The following KIF5C variants were observed in gnomAD, a reference collection of about 807,000 sequenced individuals.
KIF5C encodes the protein kinesin family member 5C.
A neutral mutation model predicts 125.2 loss-of-function variants in KIF5C; 18 were observed. The ratio of observed to expected loss-of-function variants is 0.14; its 90% CI spans 0.10 to 0.21. The LOEUF (loss-of-function observed/expected upper bound fraction) is 0.21. KIF5C is among the 10% of genes least tolerant of loss of function. The pLI, the probability that KIF5C is intolerant of heterozygous loss-of-function variation, is 1.00. For synonymous variants in KIF5C, 405 were observed against 434.0 expected (o/e 0.93, Z 0.83); for missense variants, 780 against 1,183.8 (o/e 0.66, Z 5.01).
chr2:148,892,252 C>T (rs975458958), intron 1 of KIF5C, among the ~76,000 whole-genome samples: 11 of 152,116 alleles, frequency 7.2e-5, no homozygotes, highest in African/African-American at 1.4e-4. Flanking sequence ...AGAATTTCTC[C>T]GAGGCACTAG....
At chr2:149,013,433 T>C (rs1489156363) in intron 25 of KIF5C, among the ~76,000 whole-genome samples, 1 of 152,212 alleles carries the variant, frequency 6.6e-6, no homozygotes, top group Non-Finnish European at 1.5e-5. Flanking sequence ...TCCCTTTCCC[T>C]GGACAGCACT....
At chr2:148,981,013 T>C (rs1681219355) in intron 13 of KIF5C, among the ~76,000 whole-genome samples, 1 of 152,090 alleles carries the variant, frequency 6.6e-6, no homozygotes, top group Admixed American at 6.6e-5. Flanking sequence ...CCTGGCCCCA[T>C]CCTTTGCTTA....
intron 1 of KIF5C, among the ~76,000 whole-genome samples, chr2:148,898,170 G>C (rs976660607): frequency 1.3e-5 from 2 of 152,016 alleles, no homozygotes; most frequent in Non-Finnish European, 2.9e-5. Context: ...AGTCCACATA[G>C]GAATGGAGAC....
intron 25 of KIF5C, among the ~76,000 whole-genome samples, chr2:149,017,135 G>A (rs376464373): frequency 2.6e-5 from 4 of 152,280 alleles, no homozygotes; most frequent in South Asian, 2.1e-4. Context: ...ATTTGAAGGA[G>A]ATCAGAGAAA....
intron 1 of KIF5C, chr2:148,886,397 G>A (rs990223359): frequency 2.0e-5 from 3 of 152,318 alleles, no homozygotes; most frequent in African/African-American, 7.2e-5. Context: ...CTGGTCTTAA[G>A]ATTTAGAATA....
intron 1 of KIF5C, among the ~76,000 whole-genome samples, chr2:148,918,448 G>T (rs967811807): frequency 3.9e-5 from 6 of 152,170 alleles, no homozygotes; most frequent in African/African-American, 9.7e-5. Flanking sequence ...AACTACTATG[G>T]AGCAAACTAA....
chr2:148,928,122 A>G (rs1558900283), intron 2 of KIF5C, among the ~76,000 whole-genome samples: 2 of 152,248 alleles, frequency 1.3e-5, no homozygotes, highest in Non-Finnish European at 2.9e-5. Context: ...CAGAATTGAT[A>G]TAGAAAAAAA....
In KIF5C at chr2:148,998,387, GC is replaced by G; in HGVS notation, c.2101-11del. 1 of 1,555,772 alleles carries G rather than the reference GC, an allele frequency of 6.4e-7. No individual in the cohort carries two copies. The highest frequency in any genetic ancestry group is 8.7e-7 in the Non-Finnish European group (1 of 1,149,166). On this transcript the variant is annotated splice_polypyrimidine_tract_variant and intron_variant, in intron 18 of 25. Transcript: ENST00000435030. ...ACGAGTAGATGACATGTTTCTCTTG[GC>G]CTGGGATGCAGAAGGCGCTGGAGCA...
chr2:148,987,664 G>T (rs557971071), intron 15 of KIF5C, among the ~76,000 whole-genome samples: 1 of 151,958 alleles, frequency 6.6e-6, no homozygotes, highest in South Asian at 2.1e-4. Context: ...GCCACGAGGG[G>T]GTCTGTTCAG....
intron 3 of KIF5C, among the ~76,000 whole-genome samples, chr2:148,932,724 A>G (rs1574763748): frequency 6.6e-6 from 1 of 152,316 alleles, no homozygotes; most frequent in South Asian, 2.1e-4. Context: ...CTTGGAGGTC[A>G]TCTGAATGGT....
At chr2:148,920,189 C>T (rs906794458) in intron 1 of KIF5C, among the ~76,000 whole-genome samples, 6 of 152,150 alleles carry the variant, frequency 3.9e-5, no homozygotes, top group African/African-American at 1.4e-4. Context: ...CAGGATCAAG[C>T]TGTAAACAAG....
chr2:148,875,587 T>TCCCCCTGCCCCCCCCCCACC lies in KIF5C; in HGVS notation c.-27_-26insCTGCCCCCCCCCCACCCCCC. ...GTTCCCGGCCCCGGCCCCCCACCCA[T>TCCCCCTGCCCCCCCCCCACC]CCCCGTGCCCCCTCCCTACCGCCGG... On this transcript the variant is annotated 5_prime_UTR_variant, in exon 1 of 26. Coordinates refer to ENST00000435030, the MANE Select transcript of KIF5C (RefSeq NM_004522.3). 5.5e-6 allele frequency: 2 copies of TCCCCCTGCCCCCCCCCCACC among 366,936 alleles called. No homozygotes were observed. The highest frequency in any genetic ancestry group is 2.6e-5 in the South Asian group (1 of 37,746). The allele number at this position is 366,936 out of a possible 1,614,324, so 22.7% of individuals were successfully genotyped here. A position where few individuals can be genotyped will look rare whatever the true frequency, so the allele number is the denominator to read the frequency against.
intron 10 of KIF5C, 133 bp from the exon 11 acceptor site, chr2:148,961,834 ATGGT>A: frequency 8.1e-7 from 1 of 1,233,174 alleles, no homozygotes; most frequent in Non-Finnish European, 1.1e-6. Context: ...AATTAGGAGG[ATGGT>A]TGGTGAAAGC....
At position 149,026,003 on chromosome 2, in the gene KIF5C, A is replaced by G. The variant is rs1207510994; in HGVS notation, c.*2933A>G. On this transcript the variant is annotated 3_prime_UTR_variant, in exon 26 of 26. Transcript: ENST00000435030. The stretch of plus-strand genomic sequence containing the variant: ...GAAGAAATAAAAATGTTTGTCTAGA[A>G]TGTAGCATCTAGTGACTTTTTAAAG... The G allele has an allele frequency of 1.3e-5, 2 of 152,660 alleles. No individual in the cohort carries two copies. Among genetic ancestry groups the G allele is most frequent in the South Asian group, 2.1e-4 (1 of 4,826 alleles). 9.5% of individuals were successfully genotyped at this position (152,660 alleles called of 1,614,324 possible).
intron 2 of KIF5C, among the ~76,000 whole-genome samples, chr2:148,928,058 C>T (rs1418464801): frequency 2.6e-5 from 4 of 152,108 alleles, no homozygotes; most frequent in African/African-American, 9.7e-5. Context: ...CACACTTCAA[C>T]AACCTCAGAT....
At position 149,024,514 on chromosome 2, in the gene KIF5C, AAGTGTGTG is replaced by A. The variant is rs1280653134; in HGVS notation, c.*1445_*1452del. 2 of 94,214 alleles carry A rather than the reference AAGTGTGTG, an allele frequency of 2.1e-5. No homozygotes were observed. The highest frequency in any genetic ancestry group is 6.3e-4 in the East Asian group (2 of 3,174). 5.8% of individuals were successfully genotyped at this position (94,214 alleles called of 1,614,324 possible). ...TGACTGTGTGGGTCGAAGGTAGCTC[AAGTGTGTG>A]TGTGTGTGTGTGTGTGTGTGTGTGT... On this transcript the variant is annotated 3_prime_UTR_variant, in exon 26 of 26. Transcript: ENST00000435030.
chr2:148,929,864 C>G (rs534539349), intron 3 of KIF5C, among the ~76,000 whole-genome samples: 25 of 152,064 alleles, frequency 1.6e-4, no homozygotes, highest in African/African-American at 5.5e-4. Flanking sequence ...TGATTTCACA[C>G]AATTCAAATT....
At chr2:148,975,782 T>A (rs1681045947) in intron 12 of KIF5C, among the ~76,000 whole-genome samples, 1 of 152,248 alleles carries the variant, frequency 6.6e-6, no homozygotes, top group Non-Finnish European at 1.5e-5. Flanking sequence ...ACAATAATGC[T>A]GAGTCCTGGG....
At chr2:148,977,023 G>A (rs908247828) in intron 12 of KIF5C, among the ~76,000 whole-genome samples, 3 of 152,224 alleles carry the variant, frequency 2.0e-5, no homozygotes, top group Admixed American at 6.5e-5. Flanking sequence ...GCAGTTGAAT[G>A]TGTAGATATA....
Sources: allele counts gnomAD v4.1 joint callset (sites outside exome capture counted in the v4.1 genomes callset), GRCh38; gene constraint gnomAD v4.1.1; transcripts MANE v1.5; gene names NCBI Gene and HGNC (gene_info 2026-07-23, HGNC 2026-07-21).